Variants in SLC6A6 observed in about 807,000 individuals in gnomAD.
SLC6A6 encodes the protein solute carrier family 6 member 6, also known as sodium- and chloride-dependent taurine transporter.
SLC6A6 carries 16 observed loss-of-function variants against 68.8 expected under a neutral mutation model. The observed-to-expected ratio is 0.23, with a 90% CI of 0.16 to 0.35. The LOEUF (loss-of-function observed/expected upper bound fraction) is 0.35. SLC6A6 is among the 10% of genes least tolerant of loss of function. The pLI, the probability that SLC6A6 is intolerant of heterozygous loss-of-function variation, is 1.00. For synonymous variants in SLC6A6, 312 were observed against 315.4 expected (o/e 0.99, Z 0.12); for missense variants, 474 against 802.8 (o/e 0.59, Z 4.95).
In SLC6A6 at chr3:14,478,001, C is replaced by A. The variant is rs555922049; in HGVS notation, c.1348-465C>A. Among the ~76,000 whole-genome samples the A allele has an allele frequency of 4.3e-3, 653 of 152,228 alleles. 3 individuals carry two copies. Among genetic ancestry groups the A allele is most frequent in the Non-Finnish European group, 7.2e-3 (489 of 68,010 alleles). ...GCACGCTCTCTCCTGCATGCCCCCC[C>A]CCACCACCTCCCCTGTTCCCCAGGA... On this transcript the variant is annotated intron_variant, in intron 11 of 14. Coordinates refer to ENST00000622186, the MANE Select transcript of SLC6A6 (RefSeq NM_003043.6).
chr3:14,429,391 G>A (rs1363093869), intron 2 of SLC6A6, among the ~76,000 whole-genome samples: 1 of 152,202 alleles, frequency 6.6e-6, no homozygotes, highest in Non-Finnish European at 1.5e-5. Flanking sequence ...CTCAAGTCCG[G>A]GATAAATGGC....
At chr3:14,406,991 A>T (rs1699123748) in intron 1 of SLC6A6, among the ~76,000 whole-genome samples, 1 of 152,160 alleles carries the variant, frequency 6.6e-6, no homozygotes, top group African/African-American at 2.4e-5. Flanking sequence ...CAGCCTGGAC[A>T]TACTGAATCA....
At position 14,488,941 on chromosome 3, in the gene SLC6A6, A is replaced by G. The variant is rs1180476252; in HGVS notation, c.*3934A>G. The G allele has an allele frequency of 1.3e-5, 2 of 152,380 alleles. No individual in the cohort carries two copies. The highest frequency in any genetic ancestry group is 1.9e-4 in the East Asian group (1 of 5,192). 9.4% of individuals were successfully genotyped at this position (152,380 alleles called of 1,614,324 possible). A position where few individuals can be genotyped will look rare whatever the true frequency, so the allele number is the denominator to read the frequency against. On this transcript the variant is annotated 3_prime_UTR_variant, in exon 15 of 15. Coordinates refer to ENST00000622186, the MANE Select transcript of SLC6A6 (RefSeq NM_003043.6). ...TTTTTTTTACCCAATTAATCTCCCA[A>G]TCCCTAGCAACTGTGACTCTGTATT...
intron 2 of SLC6A6, among the ~76,000 whole-genome samples, chr3:14,419,421 T>G (rs977769940): frequency 6.6e-6 from 1 of 152,144 alleles, no homozygotes; most frequent in African/African-American, 2.4e-5. Flanking sequence ...CATGGGAATG[T>G]GTGTTAGTTG....
intron 6 of SLC6A6, among the ~76,000 whole-genome samples, chr3:14,465,791 T>C (rs1257215709): frequency 3.9e-5 from 6 of 152,232 alleles, no homozygotes; most frequent in Non-Finnish European, 8.8e-5. Flanking sequence ...GGGCTGAGGC[T>C]TCTACACACG....
chr3:14,468,260 G>T lies in SLC6A6; in HGVS notation c.1096+48G>T, dbSNP rs773895618. 1 of 1,572,240 alleles carries T rather than the reference G, an allele frequency of 6.4e-7. No homozygotes were observed. The highest frequency in any genetic ancestry group is 1.9e-5 in the Admixed American group (1 of 53,124). The stretch of plus-strand genomic sequence containing the variant: ...GGTGGTGGGCACTGCCACCTAGTGT[G>T]TAAGCCAAGTACTGCAGGCATGAAG... On this transcript the variant is annotated intron_variant, in intron 9 of 14. Coordinates refer to ENST00000622186, the MANE Select transcript of SLC6A6 (RefSeq NM_003043.6). This position sits in a 1 kb window ranked among gnomAD's most constrained non-coding sequence, Gnocchi z 4.5.
chr3:14,431,172 T>C (rs1432508930), intron 2 of SLC6A6, among the ~76,000 whole-genome samples: 1 of 152,186 alleles, frequency 6.6e-6, no homozygotes, highest in Non-Finnish European at 1.5e-5. Context: ...TGCTCAGATG[T>C]TGGGAGCACA....
In SLC6A6 at chr3:14,489,035, T is replaced by C. The variant is rs77607340; in HGVS notation, c.*4028T>C. The stretch of plus-strand genomic sequence containing the variant: ...GAAATATGTCTGGCTCATCAGGACA[T>C]TTTTTTAAAACTTCAAAATATTTTT... On this transcript the variant is annotated 3_prime_UTR_variant, in exon 15 of 15. Coordinates refer to ENST00000622186, the MANE Select transcript of SLC6A6 (RefSeq NM_003043.6). 6.6e-6 allele frequency: 1 copy of C among 152,552 alleles called. No homozygotes were observed. Among genetic ancestry groups the C allele is most frequent in the African/African-American group, 2.4e-5 (1 of 41,412 alleles). The allele number at this position is 152,552 out of a possible 1,614,324, so 9.4% of individuals were successfully genotyped here. A position where few individuals can be genotyped will look rare whatever the true frequency, so the allele number is the denominator to read the frequency against.
Position 14,474,570 on chromosome 3 carries a change from T to C in SLC6A6, c.1209+2253T>C, listed in dbSNP as rs572847971. On this transcript the variant is annotated intron_variant, in intron 10 of 14. Transcript: ENST00000622186. ...TGCCGGCCCCGCACCTGGCTTTTTG[T>C]ACATGAACTCCTTAAGCTGCAGTGT... is the stretch of plus-strand genomic sequence containing the variant. Among the ~76,000 whole-genome samples, 4 of 152,342 alleles carry C rather than the reference T, an allele frequency of 2.6e-5. No individual in the cohort carries two copies. In the South Asian group the frequency reaches 8.3e-4, roughly 32 times the overall value.
At position 14,481,044 on chromosome 3, in the gene SLC6A6, T is replaced by G. The variant is rs149363266; in HGVS notation, c.1552-627T>G. Among the ~76,000 whole-genome samples, 17 of 152,308 alleles carry G rather than the reference T, an allele frequency of 1.1e-4. No homozygotes were observed. The highest frequency in any genetic ancestry group is 3.8e-4 in the African/African-American group (16 of 41,568). Reference sequence around the variant, plus strand: ...AGGCTTTCATCTACGCTGCTAGCACTTATGGTGCACTTGTTGTATGTACCT... The same window carrying G: ...AGGCTTTCATCTACGCTGCTAGCACGTATGGTGCACTTGTTGTATGTACCT... On this transcript the variant is annotated intron_variant, in intron 13 of 14. Coordinates refer to ENST00000622186, the MANE Select transcript of SLC6A6 (RefSeq NM_003043.6). This position sits in a 1 kb window ranked among gnomAD's most constrained non-coding sequence, Gnocchi z 4.7.
chr3:14,457,886 C>T, intron 5 of SLC6A6, 64 bp from the exon 6 acceptor site: 1 of 1,567,438 alleles, frequency 6.4e-7, no homozygotes, highest in African/African-American at 1.4e-5. Flanking sequence ...AATGTCCGAG[C>T]CTTGGCTCTC....
At chr3:14,418,589 C>T (rs75861969) in intron 2 of SLC6A6, among the ~76,000 whole-genome samples, 2,016 of 152,312 alleles carry the variant, frequency 0.013, 39 homozygotes, top group African/African-American at 0.044. Flanking sequence ...TGATTGCTAC[C>T]GCTTCCTGGA....
At chr3:14,457,889 T>C in intron 5 of SLC6A6, 61 bp from the exon 6 acceptor site, 2 of 1,580,246 alleles carry the variant, frequency 1.3e-6, no homozygotes, top group Non-Finnish European at 1.7e-6. Context: ...GTCCGAGCCT[T>C]GGCTCTCTCT....
rs1701253236 is a variant in SLC6A6 at position 14,488,923 on chromosome 3, T to C, written c.*3916T>C. The C allele has an allele frequency of 6.5e-6, 1 of 152,738 alleles. No homozygotes were observed. Among genetic ancestry groups the C allele is most frequent in the South Asian group, 2.1e-4 (1 of 4,824 alleles). The allele number at this position is 152,738 out of a possible 1,614,324, so 9.5% of individuals were successfully genotyped here. A position where few individuals can be genotyped will look rare whatever the true frequency, so the allele number is the denominator to read the frequency against. On this transcript the variant is annotated 3_prime_UTR_variant, in exon 15 of 15. Transcript: ENST00000622186. Reference sequence around the variant, plus strand: ...AGATGTTGGCTTCATTTTTTTTTTTTACCCAATTAATCTCCCAATCCCTAG... The same window carrying C: ...AGATGTTGGCTTCATTTTTTTTTTTCACCCAATTAATCTCCCAATCCCTAG...
intron 14 of SLC6A6, among the ~76,000 whole-genome samples, chr3:14,482,334 G>A (rs1701027761): frequency 6.6e-6 from 1 of 152,196 alleles, no homozygotes. Flanking sequence ...CCCATGCTGG[G>A]GTCTTCTCCG....
intron 7 of SLC6A6, 72 bp from the exon 8 acceptor site, chr3:14,467,781 T>C: frequency 2.3e-6 from 2 of 884,410 alleles, no homozygotes; most frequent in Non-Finnish European, 3.6e-6. Context: ...GACATAACCC[T>C]CGCTGCCTCC....
intron 2 of SLC6A6, among the ~76,000 whole-genome samples, chr3:14,425,816 C>T (rs777424182): frequency 1.6e-4 from 25 of 152,168 alleles, no homozygotes; most frequent in Non-Finnish European, 2.9e-4. Context: ...ATTGGTCACA[C>T]CCCTGGATAT....
chr3:14,434,819 G>A (rs962837363), intron 2 of SLC6A6, among the ~76,000 whole-genome samples: 5 of 152,100 alleles, frequency 3.3e-5, no homozygotes, highest in African/African-American at 1.2e-4. Context: ...TGGCACGGTG[G>A]CACTCTCCTT....
chr3:14,443,478 G>A, intron 2 of SLC6A6, 146 bp from the exon 3 acceptor site: 3 of 613,238 alleles, frequency 4.9e-6, no homozygotes, highest in Non-Finnish European at 5.8e-6. Context: ...TGCTGTCAAA[G>A]CATTGGACAG....
Sources: gnomAD v4.1 joint callset for allele counts (sites outside exome capture counted in the v4.1 genomes callset) on GRCh38, gnomAD v4.1.1 for gene constraint, Gnocchi (gnomAD v3.1) non-coding constraint, MANE v1.5 for transcripts, NCBI Gene and HGNC (gene_info 2026-07-23, HGNC 2026-07-21) for gene names.